Variants in UMAD1 observed in about 807,000 individuals in gnomAD.
UMAD1 encodes UBAP1-MVB12-associated (UMA)-domain containing protein 1.
Under a neutral mutation model 6.1 loss-of-function variants are expected in UMAD1, and 8 were observed. The observed-to-expected ratio is 1.30, with a 90% CI of 0.76 to 2.35. UMAD1 has a LOEUF of 2.35. Among genes scored for constraint, UMAD1 ranks in the 30% most tolerant of loss-of-function variants. The pLI is 0.00. For missense variants in UMAD1, 130 were observed against 78.4 expected (o/e 1.66, Z -2.49); for synonymous variants, 56 against 31.4 (o/e 1.78, Z -2.61).
chr7:7,786,128 C>A (rs988040073), intron 2 of UMAD1, among the ~76,000 whole-genome samples: 2 of 152,164 alleles, frequency 1.3e-5, no homozygotes, highest in African/African-American at 4.8e-5. Flanking sequence ...AAGGGCATCT[C>A]CTACATTTAC....
At chr7:7,649,538 C>T (rs1322591057) in intron 1 of UMAD1, among the ~76,000 whole-genome samples, 5 of 152,166 alleles carry the variant, frequency 3.3e-5, no homozygotes, top group Non-Finnish European at 5.9e-5. Flanking sequence ...TTAATTTCCA[C>T]GTCAGTTTTT....
At chr7:7,676,544 T>C (rs906124017) in intron 2 of UMAD1, among the ~76,000 whole-genome samples, 1 of 152,190 alleles carries the variant, frequency 6.6e-6, no homozygotes, top group African/African-American at 2.4e-5. Context: ...AACCTCTTTG[T>C]TTTTTAAAAA....
intron 2 of UMAD1, among the ~76,000 whole-genome samples, chr7:7,679,836 A>G (rs1260159086): frequency 6.6e-6 from 1 of 151,258 alleles, no homozygotes; most frequent in Admixed American, 6.6e-5. Flanking sequence ...AAGTGCTGGG[A>G]TTACAGGCGT....
At chr7:7,869,067 AC>A (rs1429396340) in intron 3 of UMAD1, among the ~76,000 whole-genome samples, 1 of 152,206 alleles carries the variant, frequency 6.6e-6, no homozygotes, top group African/African-American at 2.4e-5. Flanking sequence ...GGTGCAGGAC[AC>A]CAACTCTCAG....
At chr7:7,831,895 A>G (rs1198614788) in intron 3 of UMAD1, among the ~76,000 whole-genome samples, 4 of 152,174 alleles carry the variant, frequency 2.6e-5, no homozygotes, top group African/African-American at 4.8e-5. Context: ...TCAAAGGACA[A>G]CTTCTTTCTT....
intron 2 of UMAD1, among the ~76,000 whole-genome samples, chr7:7,744,794 A>G (rs533404996): frequency 4.6e-5 from 7 of 152,120 alleles, no homozygotes; most frequent in South Asian, 2.1e-4. Context: ...GAATTCTAAG[A>G]GTTCTTTATA....
chr7:7,842,019 G>A (rs1298617789), intron 3 of UMAD1, among the ~76,000 whole-genome samples: 1 of 152,158 alleles, frequency 6.6e-6, no homozygotes, highest in African/African-American at 2.4e-5. Flanking sequence ...ATGACACCAG[G>A]CAGTAAACAA....
intron 2 of UMAD1, among the ~76,000 whole-genome samples, chr7:7,746,989 C>A (rs1043306462): frequency 7.6e-6 from 1 of 130,816 alleles, no homozygotes; most frequent in African/African-American, 3.1e-5. Flanking sequence ...GTGTGTGTGT[C>A]TGTGTGTATG....
intron 2 of UMAD1, among the ~76,000 whole-genome samples, chr7:7,710,504 A>G (rs780260943): frequency 4.6e-5 from 7 of 152,358 alleles, no homozygotes; most frequent in Non-Finnish European, 7.3e-5. Context: ...AACCATAATG[A>G]TAGGTCTCTA....
intron 3 of UMAD1, among the ~76,000 whole-genome samples, chr7:7,809,428 A>G (rs1300622765): frequency 6.6e-6 from 1 of 151,900 alleles, no homozygotes; most frequent in Non-Finnish European, 1.5e-5. Flanking sequence ...TTTAATGGAC[A>G]AGTAATAATT....
intron 1 of UMAD1, among the ~76,000 whole-genome samples, chr7:7,649,568 TTTG>T (rs1161922385): frequency 6.6e-6 from 1 of 152,172 alleles, no homozygotes; most frequent in Admixed American, 6.5e-5. Context: ...TGTGTTCTGT[TTTG>T]TTGTTATTTT....
At chr7:7,762,042 G>C (rs768992673) in intron 2 of UMAD1, among the ~76,000 whole-genome samples, 2 of 152,200 alleles carry the variant, frequency 1.3e-5, no homozygotes, top group Admixed American at 6.5e-5. Context: ...TAGGCAGTTA[G>C]GGACTAAGGG....
intron 2 of UMAD1, among the ~76,000 whole-genome samples, chr7:7,784,736 A>G (rs986646232): frequency 1.1e-4 from 17 of 148,148 alleles, no homozygotes; most frequent in African/African-American, 4.2e-4. Flanking sequence ...TATGTTTTAC[A>G]TTAGCTTCTG....
chr7:7,760,606 T>C (rs902917030), intron 2 of UMAD1, among the ~76,000 whole-genome samples: 1 of 152,040 alleles, frequency 6.6e-6, no homozygotes, highest in African/African-American at 2.4e-5. Context: ...GAATGTAATT[T>C]AGCACTTATG....
At chr7:7,679,929 C>T (rs1415986732) in intron 2 of UMAD1, among the ~76,000 whole-genome samples, 2 of 151,724 alleles carry the variant, frequency 1.3e-5, no homozygotes, top group African/African-American at 2.4e-5. Flanking sequence ...CTTATATATA[C>T]TGATTGTTCA....
rs1305036564 is a variant in UMAD1 at position 7,799,325 on chromosome 7, A to G, written c.83-2345A>G. ...AATCATTTATTGTCCTATCTGAGTC[A>G]TCGCCAGACATGGCATTTCAGTAAA... On this transcript the variant is annotated intron_variant, in intron 2 of 3. Transcript: ENST00000682710. Among the ~76,000 whole-genome samples the G allele has an allele frequency of 2.0e-5, 3 of 152,262 alleles. No homozygotes were observed. The East Asian group carries it at 5.8e-4, about 29-fold the overall frequency.
At chr7:7,744,594 T>TC (rs1781534476) in intron 2 of UMAD1, among the ~76,000 whole-genome samples, 1 of 84,596 alleles carries the variant, frequency 1.2e-5, no homozygotes, top group Admixed American at 1.1e-4. Flanking sequence ...ATTGTTACTG[T>TC]TTTTTTTTTT....
At chr7:7,865,844 T>A (rs1784215362) in intron 3 of UMAD1, among the ~76,000 whole-genome samples, 1 of 152,232 alleles carries the variant, frequency 6.6e-6, no homozygotes. Context: ...TTGGAGTAGA[T>A]GAGGCTAGCT....
At chr7:7,813,561 C>T (rs577907642) in intron 3 of UMAD1, among the ~76,000 whole-genome samples, 12 of 151,634 alleles carry the variant, frequency 7.9e-5, no homozygotes, top group African/African-American at 1.9e-4. Context: ...GTATGCTACA[C>T]GTAAGAGCAC....
Sources: gnomAD v4.1 joint callset for allele counts (sites outside exome capture counted in the v4.1 genomes callset) on GRCh38, gnomAD v4.1.1 for gene constraint, MANE v1.5 for transcripts, NCBI Gene and HGNC (gene_info 2026-07-23, HGNC 2026-07-21) for gene names.